CAST: variants seen among roughly 807,000 people sequenced by gnomAD.
The protein encoded by CAST is calpastatin.
A neutral mutation model predicts 119.6 loss-of-function variants in CAST; 76 were observed. That is an observed-to-expected ratio of 0.64 (90% CI 0.53 to 0.77). The LOEUF is 0.77. Ranked by LOEUF, CAST falls within the 30% of genes least tolerant of loss-of-function variation. CAST has a pLI of 0.00. For synonymous variants in CAST, 319 were observed against 331.6 expected (o/e 0.96, Z 0.41); for missense variants, 953 against 946.5 (o/e 1.01, Z -0.09).
At chr5:96,378,596 G>A in the CAST span, among the ~76,000 whole-genome samples, 1 of 152,006 alleles carries the variant, frequency 6.6e-6, no homozygotes, top group South Asian at 2.1e-4. Context: ...ATCCCATTGT[G>A]TGAATAGACA....
chr5:96,381,518 A>C, the CAST span, among the ~76,000 whole-genome samples: 1 of 152,222 alleles, frequency 6.6e-6, no homozygotes. Context: ...ATAGATTAGG[A>C]TGACCTCCTG....
chr5:96,538,887 A>G (rs576381070), intron 1 of CAST, among the ~76,000 whole-genome samples: 1 of 93,072 alleles, frequency 1.1e-5, no homozygotes, highest in Non-Finnish European at 2.4e-5. Context: ...AATCAATATC[A>G]AATGACTCAG....
chr5:96,560,873 A>C (rs968912387), intron 1 of CAST, among the ~76,000 whole-genome samples: 1 of 152,218 alleles, frequency 6.6e-6, no homozygotes, highest in Admixed American at 6.5e-5. Flanking sequence ...AAGGATTATA[A>C]AACATGCTGC....
intron 1 of CAST, among the ~76,000 whole-genome samples, chr5:96,555,356 T>A (rs1746216470): frequency 6.6e-6 from 1 of 152,182 alleles, no homozygotes; most frequent in African/African-American, 2.4e-5. Context: ...TTCATCTCAC[T>A]GGGGAGTGTC....
chr5:96,240,875 A>G, the CAST span, among the ~76,000 whole-genome samples: 3 of 151,456 alleles, frequency 2.0e-5, no homozygotes, highest in African/African-American at 7.3e-5. Context: ...GGGATTGAAA[A>G]CCATATAAAT....
intron 9 of CAST, among the ~76,000 whole-genome samples, chr5:96,735,134 C>G (rs1309170613): frequency 1.3e-5 from 2 of 152,218 alleles, no homozygotes; most frequent in Non-Finnish European, 1.5e-5. Flanking sequence ...TTGTAACAGT[C>G]ACTTATTTAG....
In CAST at chr5:96,748,514, A is replaced by G. The variant is rs201614165; in HGVS notation, c.1333-4A>G. On this transcript the variant is annotated splice_polypyrimidine_tract_variant and splice_region_variant and intron_variant, in intron 18 of 31. Transcript: ENST00000675179. ...TGTAATATACAGCACTTCTTATATT[A>G]CAGCCTCGGAGTGAATCAGAACTCA... 4.7e-6 allele frequency: 7 copies of G among 1,477,364 alleles called. No homozygotes were observed. The East Asian group carries it at 1.4e-4, about 29-fold the overall frequency. The allele number at this position is 1,477,364 out of a possible 1,614,324, so 91.5% of individuals were successfully genotyped here.
the CAST span, among the ~76,000 whole-genome samples, chr5:96,470,284 A>G: frequency 6.6e-6 from 1 of 151,998 alleles, no homozygotes; most frequent in Non-Finnish European, 1.5e-5. Flanking sequence ...TGTCTTTTAT[A>G]TCGAAAAATA....
chr5:96,241,289 A>G, the CAST span, among the ~76,000 whole-genome samples: 1 of 140,512 alleles, frequency 7.1e-6, no homozygotes. Context: ...TTCAATTCCC[A>G]CCTATGAGTG....
the CAST span, among the ~76,000 whole-genome samples, chr5:96,035,569 C>G: frequency 2.0e-5 from 3 of 151,472 alleles, no homozygotes; most frequent in African/African-American, 7.3e-5. Context: ...AATACTACAT[C>G]TGGTGAATTT....
upstream of CAST, among the ~76,000 whole-genome samples, chr5:96,521,804 T>C (rs957179481): frequency 4.6e-5 from 7 of 152,308 alleles, no homozygotes; most frequent in East Asian, 1.4e-3. Context: ...AATGGATTTG[T>C]GCAGCTCTTC....
At chr5:96,147,643 A>C in the CAST span, among the ~76,000 whole-genome samples, 1,124 of 149,772 alleles carry the variant, frequency 7.5e-3, 10 homozygotes, top group South Asian at 0.038. Context: ...CAAAAACCCC[A>C]AAAAAACAAA....
At chr5:96,409,469 G>T in the CAST span, among the ~76,000 whole-genome samples, 12 of 152,164 alleles carry the variant, frequency 7.9e-5, no homozygotes, top group Non-Finnish European at 1.6e-4. Context: ...GTAAGAAAAA[G>T]GTTATGTTAC....
Position 96,746,395 on chromosome 5 carries a change from C to G in CAST, c.1254C>G (p.Ile418Met). 6.2e-7 allele frequency: 1 copy of G among 1,610,940 alleles called. No homozygotes were observed. Among genetic ancestry groups the G allele is most frequent in the Non-Finnish European group, 8.5e-7 (1 of 1,177,108 alleles). The change falls in exon 17 of 32, where the codon ATC becomes ATG. Residue 418 changes from isoleucine to methionine, a missense_variant. Physicochemically the swap from Ile to Met is conservative, Grantham distance 10. Transcript: ENST00000675179. ...AGTGTGGTGAGGATGATGAAACAAT[C>G]CCATCTGAGTACAGATTAAAACCAG... ...LEKCGEDDET[I>M]PSEYRLKPAT...
chr5:96,565,934 A>G (rs550854638), intron 1 of CAST, among the ~76,000 whole-genome samples: 293 of 152,320 alleles, frequency 1.9e-3, no homozygotes, highest in Middle Eastern at 3.4e-3. Context: ...CCCAGATATA[A>G]ATATCATGGC....
the CAST span, among the ~76,000 whole-genome samples, chr5:96,021,941 A>G: frequency 1.2e-4 from 18 of 152,318 alleles, no homozygotes; most frequent in South Asian, 3.7e-3. Context: ...CCAAGGGTGG[A>G]TTGAAGATAT....
intron 1 of CAST, among the ~76,000 whole-genome samples, chr5:96,558,505 C>T (rs975837282): frequency 6.6e-6 from 1 of 151,888 alleles, no homozygotes; most frequent in Non-Finnish European, 1.5e-5. Flanking sequence ...AATAGACGCA[C>T]TAAAAAATGA....
the CAST span, chr5:96,412,384 A>G: frequency 6.2e-7 from 1 of 1,614,136 alleles, no homozygotes; most frequent in African/African-American, 1.3e-5. Flanking sequence ...TTTTCCCATC[A>G]TCATTAGGGC....
chr5:96,488,095 T>A, the CAST span, among the ~76,000 whole-genome samples: 6 of 152,210 alleles, frequency 3.9e-5, no homozygotes, highest in African/African-American at 1.4e-4. Flanking sequence ...TTAAGCAACT[T>A]TATGCTTCAG....
Sources: allele counts gnomAD v4.1 joint callset (sites outside exome capture counted in the v4.1 genomes callset), GRCh38; gene constraint gnomAD v4.1.1; transcripts MANE v1.5; gene names NCBI Gene and HGNC (gene_info 2026-07-23, HGNC 2026-07-21).